Variants in SMIM31 observed in about 807,000 individuals in gnomAD.
The protein encoded by SMIM31 is human epithelial cell program regulator.
intron 2 of SMIM31, among the ~76,000 whole-genome samples, chr4:164,798,186 G>C (rs559947324): frequency 6.6e-6 from 1 of 151,718 alleles, no homozygotes; most frequent in Non-Finnish European, 1.5e-5. Context: ...TCATTGTTGC[G>C]ATAAACATAT....
At chr4:164,758,783 G>A (rs11930499) in intron 1 of SMIM31, among the ~76,000 whole-genome samples, 2,200 of 133,666 alleles carry the variant, frequency 0.016, 75 homozygotes, top group African/African-American at 0.057. Flanking sequence ...ACAGGCGCCC[G>A]CCACCACGCC....
intron 2 of SMIM31, among the ~76,000 whole-genome samples, chr4:164,780,529 T>C (rs1308990390): frequency 6.6e-6 from 1 of 152,242 alleles, no homozygotes; most frequent in Admixed American, 6.5e-5. Context: ...TGTAGATCAA[T>C]GAATCCTAAT....
chr4:164,794,118 T>G (rs1357187098), intron 2 of SMIM31, among the ~76,000 whole-genome samples: 4 of 152,212 alleles, frequency 2.6e-5, no homozygotes, highest in Non-Finnish European at 4.4e-5. Flanking sequence ...GGCTCACGTC[T>G]GTAACCCCAG....
chr4:164,792,198 A>G lies in SMIM31; in HGVS notation c.113-8893A>G, dbSNP rs770044717. Reference sequence around the variant, plus strand: ...ATCATGGTGCTAGGCCACAGACTACACTTTAAGTAGCAACATTTTAGATTA... The same window carrying G: ...ATCATGGTGCTAGGCCACAGACTACGCTTTAAGTAGCAACATTTTAGATTA... On this transcript the variant is annotated intron_variant, in intron 2 of 2. Coordinates refer to ENST00000507311, the MANE Select transcript of SMIM31 (RefSeq NM_001352885.1). Among the ~76,000 whole-genome samples the G allele has an allele frequency of 3.4e-4, 51 of 152,222 alleles. 1 individual carries two copies. The highest frequency in any genetic ancestry group is 1.3e-4 in the Admixed American group (2 of 15,280).
chr4:164,784,765 T>G (rs1733004814), intron 2 of SMIM31, among the ~76,000 whole-genome samples: 1 of 152,166 alleles, frequency 6.6e-6, no homozygotes, highest in African/African-American at 2.4e-5. Context: ...CTGGGCTCAT[T>G]GGACTAATTA....
At chr4:164,757,822 T>G in intron 1 of SMIM31, among the ~76,000 whole-genome samples, 1 of 151,636 alleles carries the variant, frequency 6.6e-6, no homozygotes, top group Non-Finnish European at 1.5e-5. Flanking sequence ...TTACTAAAGT[T>G]TATAGTAAGT....
At chr4:164,776,194 A>G (rs1378290543) in intron 2 of SMIM31, among the ~76,000 whole-genome samples, 3 of 152,166 alleles carry the variant, frequency 2.0e-5, no homozygotes, top group Non-Finnish European at 4.4e-5. Context: ...AGTCTAACCC[A>G]AAATGAACTC....
intron 1 of SMIM31, among the ~76,000 whole-genome samples, chr4:164,756,638 T>G (rs1001640032): frequency 6.6e-6 from 1 of 151,854 alleles, no homozygotes; most frequent in African/African-American, 2.4e-5. Context: ...GCTCCAGATC[T>G]AGAATGCTCT....
intron 2 of SMIM31, among the ~76,000 whole-genome samples, chr4:164,785,746 GCA>G (rs1733018879): frequency 7.7e-6 from 1 of 129,698 alleles, no homozygotes; most frequent in Non-Finnish European, 1.8e-5. Flanking sequence ...GTGTGTGTAT[GCA>G]CATATATATA....
At chr4:164,795,744 T>C (rs905545057) in intron 2 of SMIM31, among the ~76,000 whole-genome samples, 7 of 152,178 alleles carry the variant, frequency 4.6e-5, no homozygotes, top group Non-Finnish European at 1.0e-4. Flanking sequence ...AGGCCTGCCA[T>C]GTTGTAAGAA....
intron 2 of SMIM31, among the ~76,000 whole-genome samples, chr4:164,792,427 T>C (rs1428447399): frequency 6.6e-6 from 1 of 152,190 alleles, no homozygotes; most frequent in Admixed American, 6.5e-5. Context: ...AATAAATCAT[T>C]AGCAATAATT....
chr4:164,770,384 G>A, intron 1 of SMIM31, 35 bp from the exon 2 acceptor site: 2 of 398,716 alleles, frequency 5.0e-6, no homozygotes, highest in African/African-American at 2.1e-5. Context: ...CTCTGGATTA[G>A]AGTATGCTGA....
intron 2 of SMIM31, among the ~76,000 whole-genome samples, chr4:164,773,492 T>C (rs1732839896): frequency 6.6e-6 from 1 of 152,176 alleles, no homozygotes; most frequent in Non-Finnish European, 1.5e-5. Flanking sequence ...CTTCATTTAG[T>C]GGCCAGAAGA....
chr4:164,760,079 G>A (rs1290948661), intron 1 of SMIM31, among the ~76,000 whole-genome samples: 1 of 152,162 alleles, frequency 6.6e-6, no homozygotes, highest in Non-Finnish European at 1.5e-5. Flanking sequence ...TGCCTGGAGT[G>A]AAGGAGCAAA....
chr4:164,756,452 G>T (rs1732562347), intron 1 of SMIM31, among the ~76,000 whole-genome samples: 1 of 151,744 alleles, frequency 6.6e-6, no homozygotes, highest in Non-Finnish European at 1.5e-5. Flanking sequence ...GGCGCCTGTA[G>T]TTCCAGCTAC....
At chr4:164,757,133 T>C (rs138965038) in intron 1 of SMIM31, among the ~76,000 whole-genome samples, 1 of 152,330 alleles carries the variant, frequency 6.6e-6, no homozygotes, top group African/African-American at 2.4e-5. Context: ...TGCTATCTTA[T>C]TGTGATTTTA....
rs1733287784 is a variant in SMIM31 at position 164,801,813 on chromosome 4, G to T, written c.*619G>T. Reference sequence around the variant, plus strand: ...ATGGTTTACAGAGACATGAGTGTTTGTAAATCTCTCGTCCCAATACTATGT... The same window carrying T: ...ATGGTTTACAGAGACATGAGTGTTTTTAAATCTCTCGTCCCAATACTATGT... On this transcript the variant is annotated 3_prime_UTR_variant, in exon 3 of 3. Transcript: ENST00000507311. 1 of 152,194 alleles carries T rather than the reference G, an allele frequency of 6.6e-6. No homozygotes were observed. Among genetic ancestry groups the T allele is most frequent in the Admixed American group, 6.5e-5 (1 of 15,278 alleles). 9.4% of individuals were successfully genotyped at this position (152,194 alleles called of 1,614,324 possible).
intron 2 of SMIM31, among the ~76,000 whole-genome samples, chr4:164,797,609 G>A (rs1038742021): frequency 5.9e-5 from 9 of 151,890 alleles, no homozygotes; most frequent in African/African-American, 2.2e-4. Context: ...AACTACAGGT[G>A]CGTGCCACCA....
rs543006229 is a variant in SMIM31, at chr4:164,764,969, T to A, written c.-25-5450T>A. ...GCCTCCAATGACAGTGAGTTCCTCA[T>A]CACTAGAGGAATTCAGGCTGGCCAT... is the stretch of plus-strand genomic sequence containing the variant. On this transcript the variant is annotated intron_variant, in intron 1 of 2. Coordinates refer to ENST00000507311, the MANE Select transcript of SMIM31 (RefSeq NM_001352885.1). Among the ~76,000 whole-genome samples, 14 of 152,328 alleles carry A rather than the reference T, an allele frequency of 9.2e-5. 1 individual carries two copies. Among genetic ancestry groups the A allele is most frequent in the African/African-American group, 3.4e-4 (14 of 41,586 alleles).
Sources: allele counts gnomAD v4.1 joint callset (sites outside exome capture counted in the v4.1 genomes callset), GRCh38; gene constraint gnomAD v4.1.1; transcripts MANE v1.5; gene names NCBI Gene and HGNC (gene_info 2026-07-23, HGNC 2026-07-21).